The following PRDM2 variants were observed in gnomAD, a reference collection of about 807,000 sequenced individuals.
The protein encoded by PRDM2 is PR/SET domain 2, also known as PR domain zinc finger protein 2.
A neutral mutation model predicts 130.0 loss-of-function variants in PRDM2; 30 were observed. The observed-to-expected ratio is 0.23, with a 90% CI of 0.17 to 0.31. The LOEUF is 0.31. PRDM2 is among the 10% of genes least tolerant of loss of function. The pLI, the probability that PRDM2 is intolerant of heterozygous loss-of-function variation, is 1.00. For missense variants in PRDM2, 2,011 were observed against 2,108.4 expected (o/e 0.95, Z 0.90); for synonymous variants, 871 against 782.4 (o/e 1.11, Z -1.89).
At chr1:13,745,777 G>A (rs1475819436) in intron 5 of PRDM2, among the ~76,000 whole-genome samples, 6 of 152,170 alleles carry the variant, frequency 3.9e-5, no homozygotes, top group Non-Finnish European at 2.9e-5. Context: ...TGGCTGTAGG[G>A]AGGAGGAGAG....
intron 8 of PRDM2, among the ~76,000 whole-genome samples, chr1:13,789,064 G>A (rs930956968): frequency 2.0e-5 from 3 of 152,166 alleles, no homozygotes; most frequent in Admixed American, 6.5e-5. Flanking sequence ...GGTCTCCACA[G>A]TGTCCCTGGC....
rs1643543007 is a variant in PRDM2, at chr1:13,744,454, T to A, written c.384+2297T>A. Among the ~76,000 whole-genome samples the A allele has an allele frequency of 3.3e-5, 5 of 152,322 alleles. No homozygotes were observed. The South Asian group carries it at 1.0e-3, about 32-fold the overall frequency. ...AGTGCTTATACATGATTGTTGTTAT[T>A]TTTCACAAGGTGGTATGGTGTCATG... On this transcript the variant is annotated intron_variant, in intron 5 of 9. Coordinates refer to ENST00000311066, the MANE Select transcript of PRDM2 (RefSeq NM_001393986.1).
intron 8 of PRDM2, among the ~76,000 whole-genome samples, chr1:13,810,741 G>C (rs894140108): frequency 1.5e-4 from 23 of 151,832 alleles, no homozygotes; most frequent in African/African-American, 5.6e-4. Context: ...TGATCCGCCC[G>C]CCTCGGCCTC....
At chr1:13,759,467 G>A (rs1168578353) in intron 6 of PRDM2, among the ~76,000 whole-genome samples, 1 of 152,172 alleles carries the variant, frequency 6.6e-6, no homozygotes, top group Admixed American at 6.5e-5. Context: ...TGTAGGATAT[G>A]CCTTTCTGGT....
intron 8 of PRDM2, among the ~76,000 whole-genome samples, chr1:13,799,904 C>T (rs949579943): frequency 3.3e-5 from 5 of 152,136 alleles, no homozygotes; most frequent in African/African-American, 4.8e-5. Flanking sequence ...AAAAATGTGC[C>T]GGGACCAGGG....
intron 1 of PRDM2, chr1:13,704,971 A>G (rs890100159): frequency 1.3e-5 from 2 of 152,248 alleles, no homozygotes; most frequent in East Asian, 3.8e-4. Context: ...TTTCAGAAGT[A>G]TGGCTCTTGG....
chr1:13,781,626 T>C lies in PRDM2; in HGVS notation c.3831T>C (p.Ala1277=), dbSNP rs1557653249. Residue 1277 remains alanine (A), a synonymous_variant, in exon 8 of 10, where the codon GCT becomes GCC. Transcript: ENST00000311066. The surrounding 1 kb of genome is among the most constrained non-coding windows in gnomAD (Gnocchi z 6.1). The part of the protein sequence containing the change: ...EELYTTIKIM[A]SGIKTKDPDV... ...TTTACACGACTATAAAAATAATGGC[T>C]TCTGGAATAAAGACAAAAGATCCAG... The C allele has an allele frequency of 6.2e-7, 1 of 1,613,774 alleles. No individual in the cohort carries two copies. Among genetic ancestry groups the C allele is most frequent in the South Asian group, 1.1e-5 (1 of 91,066 alleles).
intron 6 of PRDM2, among the ~76,000 whole-genome samples, chr1:13,757,491 A>G (rs1265529346): frequency 6.6e-6 from 1 of 152,232 alleles, no homozygotes; most frequent in Non-Finnish European, 1.5e-5. Context: ...TTTAGCTGTC[A>G]GCTCTGCAGC....
intron 6 of PRDM2, among the ~76,000 whole-genome samples, chr1:13,772,765 A>G (rs951595764): frequency 4.6e-5 from 7 of 152,322 alleles, no homozygotes; most frequent in Admixed American, 2.0e-4. Flanking sequence ...TTTGACATCA[A>G]TAGTAACGTT....
intron 6 of PRDM2, chr1:13,772,125 A>G (rs921543065): frequency 6.6e-6 from 1 of 152,244 alleles, no homozygotes; most frequent in Non-Finnish European, 1.5e-5. Flanking sequence ...GGGGGAGAGC[A>G]GCGGAGAAAA....
At chr1:13,766,851 G>T (rs1354009731) in intron 6 of PRDM2, among the ~76,000 whole-genome samples, 1 of 152,220 alleles carries the variant, frequency 6.6e-6, no homozygotes, top group Non-Finnish European at 1.5e-5. Context: ...TCACTGTTGT[G>T]ATGAATTTTT....
At chr1:13,793,632 A>T (rs1309199002) in intron 8 of PRDM2, among the ~76,000 whole-genome samples, 1 of 152,232 alleles carries the variant, frequency 6.6e-6, no homozygotes, top group East Asian at 1.9e-4. Context: ...CAGAATTTTT[A>T]AAACACTCCT....
At chr1:13,729,872 T>C (rs1643046986) in intron 2 of PRDM2, among the ~76,000 whole-genome samples, 1 of 152,330 alleles carries the variant, frequency 6.6e-6, no homozygotes, top group African/African-American at 2.4e-5. Context: ...TTATAATGAC[T>C]GTGAGATTTA....
intron 8 of PRDM2, among the ~76,000 whole-genome samples, chr1:13,799,923 G>A (rs1644981367): frequency 6.6e-6 from 1 of 152,248 alleles, no homozygotes; most frequent in South Asian, 2.1e-4. Context: ...GGCAGAGATG[G>A]TAAAGGCATA....
chr1:13,739,324 A>G (rs968275556), intron 4 of PRDM2, among the ~76,000 whole-genome samples: 4 of 152,186 alleles, frequency 2.6e-5, no homozygotes, highest in African/African-American at 7.2e-5. Context: ...CTGGGATTAC[A>G]GGCGTGAACC....
intron 6 of PRDM2, among the ~76,000 whole-genome samples, chr1:13,759,968 G>T (rs1644057109): frequency 6.6e-6 from 1 of 152,152 alleles, no homozygotes; most frequent in South Asian, 2.1e-4. Flanking sequence ...ATTGCTAAAG[G>T]TGTGATCCAC....
At chr1:13,746,886 G>T (rs1472743035) in intron 5 of PRDM2, among the ~76,000 whole-genome samples, 1 of 152,188 alleles carries the variant, frequency 6.6e-6, no homozygotes, top group African/African-American at 2.4e-5. Context: ...AGCAGCTAAC[G>T]AATGTGTTCC....
Position 13,742,135 on chromosome 1 carries a change from C to T in PRDM2, c.362C>T (p.Ala121Val). The change falls in exon 5 of 10, where the codon GCC (alanine) becomes GTC (valine). Residue 121 changes from alanine to valine, a missense_variant. Transcript: ENST00000311066. Reference protein sequence around the residue: ...QNLFPLEINRAIYYKTLKPIA... With the variant: ...QNLFPLEINRVIYYKTLKPIA... ...TTATTCCCACTGGAAATCAACAGAGCCATTTACTATAAAACTTTAAAGGTA... is the reference window on the plus strand; with the variant it reads ...TTATTCCCACTGGAAATCAACAGAGTCATTTACTATAAAACTTTAAAGGTA... The T allele has an allele frequency of 6.2e-7, 1 of 1,613,804 alleles. No individual in the cohort carries two copies. The highest frequency in any genetic ancestry group is 8.5e-7 in the Non-Finnish European group (1 of 1,179,780).
intron 7 of PRDM2, 110 bp from the exon 8 acceptor site, chr1:13,778,308 C>T: frequency 9.0e-7 from 1 of 1,109,722 alleles, no homozygotes; most frequent in South Asian, 1.6e-5. Context: ...ATCATCATCT[C>T]CCTTATGTTT....
Sources: allele counts gnomAD v4.1 joint callset (sites outside exome capture counted in the v4.1 genomes callset), GRCh38; gene constraint gnomAD v4.1.1; non-coding constraint Gnocchi (gnomAD v3.1); transcripts MANE v1.5; gene names NCBI Gene and HGNC (gene_info 2026-07-23, HGNC 2026-07-21).